Variants in DNAH2 observed in about 807,000 individuals in gnomAD.
DNAH2 encodes the protein dynein axonemal heavy chain 2, also known as axonemal beta dynein heavy chain 2.
In DNAH2, 323 loss-of-function variants were observed where a neutral mutation model predicts 523.5. The observed-to-expected ratio is 0.62, with a 90% CI of 0.56 to 0.68. DNAH2 has a LOEUF of 0.68. Among genes scored for constraint, DNAH2 ranks in the 30% least tolerant of loss-of-function variants. DNAH2 has a pLI of 0.00. For synonymous variants in DNAH2, 2,093 were observed against 2,177.4 expected, an observed-to-expected ratio of 0.96 and a Z score of 1.08; for missense variants, 4,907 against 5,701.5, an observed-to-expected ratio of 0.86 and a Z score of 4.49.
intron 58 of DNAH2, 139 bp from the exon 59 acceptor site, chr17:7,804,117 C>T (rs185382146): frequency 3.0e-5 from 25 of 824,760 alleles, no homozygotes; most frequent in Middle Eastern, 3.6e-4. Flanking sequence ...GATAGAATCC[C>T]GACCAGGATG....
chr17:7,785,752 G>C (rs768411506), intron 39 of DNAH2, among the ~76,000 whole-genome samples: 3 of 152,224 alleles, frequency 2.0e-5, no homozygotes, highest in Admixed American at 6.5e-5. Flanking sequence ...GTTCCAAGCC[G>C]TATCTGTGGC....
At chr17:7,819,542 CT>C in intron 72 of DNAH2, 134 bp downstream of exon 72, 1 of 857,950 alleles carries the variant, frequency 1.2e-6, no homozygotes, top group Non-Finnish European at 1.9e-6. Flanking sequence ...CTCCTGGTAG[CT>C]CCTCACTCTC....
rs778952974 is a variant in DNAH2, at chr17:7,760,889, C to T, written c.2935C>T (p.Arg979Cys). The change falls in exon 18 of 86, where the codon CGC becomes TGC. Residue 979 changes from arginine (R) to cysteine (C), a missense_variant. Around this residue, in one of 3 missense-constraint regions of DNAH2, gnomAD observed 2,806 missense variants for 3,190.8 expected, o/e 0.88. Transcript: ENST00000572933. This position sits in a 1 kb window ranked among gnomAD's most constrained non-coding sequence, Gnocchi z 4.0. ...NKDSFIHRYQ[R>C]LNPPVSSFVA... The stretch of plus-strand genomic sequence containing the variant: ...GGACTCCTTCATTCATCGCTACCAG[C>T]GCCTCAACCCTCCTGTCTCTTCTTT... 2.7e-5 allele frequency: 43 copies of T among 1,614,054 alleles called. No homozygotes were observed. Among genetic ancestry groups the T allele is most frequent in the Middle Eastern group, 3.3e-4 (2 of 6,084 alleles).
Position 7,759,799 on chromosome 17 carries a change from C to T in DNAH2, c.2646C>T (p.Phe882=). The change falls in exon 17 of 86, where the codon TTC becomes TTT. Residue 882 remains phenylalanine (F), a synonymous_variant. Transcript: ENST00000572933. Reference sequence around the variant, plus strand: ...CACTGGGTTCCTCACAGGTGGAATTCTCACCCACTCTGCAGACTTTGGCAG... The same window carrying T: ...CACTGGGTTCCTCACAGGTGGAATTTTCACCCACTCTGCAGACTTTGGCAG... The part of the protein sequence containing the change: ...DLQGSVAQVE[F]SPTLQTLAGV... 6.2e-7 allele frequency: 1 copy of T among 1,614,160 alleles called. No individual in the cohort carries two copies.
At chr17:7,741,226 T>TTTC (rs2075305177) in intron 11 of DNAH2, among the ~76,000 whole-genome samples, 2 of 142,148 alleles carry the variant, frequency 1.4e-5, no homozygotes, top group African/African-American at 2.6e-5. Flanking sequence ...CCTTTCTTTT[T>TTTC]TTTCTCTCTC....
At chr17:7,768,085 G>A (rs200910734) in intron 23 of DNAH2, 24 bp downstream of exon 23, 43 of 1,614,056 alleles carry the variant, frequency 2.7e-5, no homozygotes, top group East Asian at 1.8e-4. Context: ...GCGGGGAGGC[G>A]GAAGAGAAGC....
Position 7,801,682 on chromosome 17 carries a change from T to C in DNAH2, c.8804T>C (p.Ile2935Thr), listed in dbSNP as rs778522942. The C allele has an allele frequency of 2.5e-6, 4 of 1,614,026 alleles. No individual in the cohort carries two copies. Among genetic ancestry groups the C allele is most frequent in the Non-Finnish European group, 2.5e-6 (3 of 1,180,032 alleles). ...CTCGAGGTGGCTGAGAAGTGCCTCA[T>C]AGGAGTAGACCTGGGAACTCAGGAG... Reference protein sequence around the residue: ...ALLEVAEKCLIGVDLGTQENI... With the variant: ...ALLEVAEKCLTGVDLGTQENI... Residue 2935 changes from isoleucine to threonine, a missense_variant, in exon 57 of 86, where the codon ATA (isoleucine) becomes ACA (threonine). Ile to Thr is a moderately conservative substitution (Grantham distance 89, BLOSUM62 -1). Coordinates refer to ENST00000572933, the MANE Select transcript of DNAH2 (RefSeq NM_020877.5).
rs1045012136 is a variant in DNAH2, at chr17:7,828,483, G to C, written c.11854-1817G>C. 5.9e-5 allele frequency among the ~76,000 whole-genome samples: 9 copies of C among 152,208 alleles called. No homozygotes were observed. The highest frequency in any genetic ancestry group is 5.2e-4 in the Admixed American group (8 of 15,310). ...TCTTTTTTTAGACAGAGAGGGTCTT[G>C]CTCTATAGCCCAGGTGGAGTGCAGT... On this transcript the variant is annotated intron_variant, in intron 77 of 85. Transcript: ENST00000572933. This position sits in a 1 kb window ranked among gnomAD's most constrained non-coding sequence, Gnocchi z 4.1.
chr17:7,785,932 G>A (rs1342985498), intron 39 of DNAH2, among the ~76,000 whole-genome samples, 192 bp from the exon 40 acceptor site: 4 of 152,110 alleles, frequency 2.6e-5, no homozygotes, highest in Non-Finnish European at 4.4e-5. Flanking sequence ...CCAGGCTGGC[G>A]GACTCCAGAG....
rs767788250 is a variant in DNAH2 at position 7,797,211 on chromosome 17, C to A, written c.7899C>A (p.Phe2633Leu). 1.2e-6 allele frequency: 2 copies of A among 1,613,858 alleles called. No individual in the cohort carries two copies. The highest frequency in any genetic ancestry group is 4.5e-5 in the East Asian group (2 of 44,862). Residue 2633 changes from phenylalanine to leucine, a missense_variant, in exon 51 of 86, where the codon TTC becomes TTA. By Grantham distance (22) the Phe-to-Leu change is conservative. Coordinates refer to ENST00000572933, the MANE Select transcript of DNAH2 (RefSeq NM_020877.5). ...GCATGCTTAGAGCCAACAAGGACTT[C>A]CATGATACCAAGTCCAGCATCACAC... ...FQGMLRANKD[F>L]HDTKSSITRL...
At position 7,807,995 on chromosome 17, in the gene DNAH2, T is replaced by G. The variant is rs2151304993; in HGVS notation, c.9729+409T>G. ...CAACGTGAGGGTGTCTGTGCATATGTTGTGTGGGGACGGGCTCTCCCAGAG... is the reference window on the plus strand; with the variant it reads ...CAACGTGAGGGTGTCTGTGCATATGGTGTGTGGGGACGGGCTCTCCCAGAG... On this transcript the variant is annotated intron_variant, in intron 63 of 85. Transcript: ENST00000572933. This position sits in a 1 kb window ranked among gnomAD's most constrained non-coding sequence, Gnocchi z 5.6. Among the ~76,000 whole-genome samples the G allele has an allele frequency of 6.6e-6, 1 of 152,220 alleles. No homozygotes were observed. The highest frequency in any genetic ancestry group is 1.5e-5 in the Non-Finnish European group (1 of 68,012).
rs748351372 is a variant in DNAH2 at position 7,824,139 on chromosome 17, C to A, written c.11497C>A (p.Pro3833Thr). The change falls in exon 76 of 86, where the codon CCA (proline) becomes ACA (threonine). Residue 3833 changes from proline (P) to threonine (T), a missense_variant. By Grantham distance (38) the Pro-to-Thr change is conservative (BLOSUM62 -1). Transcript: ENST00000572933. ...CTGGCAGGTGCTGGAGGATTCAACC[C>A]CACGATCCCCACTCGTGTTCATCCT... ...NMKSVLEDST[P>T]RSPLVFILSP... The A allele has an allele frequency of 6.4e-7, 1 of 1,562,886 alleles. No individual in the cohort carries two copies. The highest frequency in any genetic ancestry group is 8.6e-7 in the Non-Finnish European group (1 of 1,157,284).
At chr17:7,802,725 G>T (rs753356177) in intron 58 of DNAH2, among the ~76,000 whole-genome samples, 1 of 151,862 alleles carries the variant, frequency 6.6e-6, no homozygotes, top group East Asian at 1.9e-4. Context: ...GTGCAGTGGC[G>T]CAGTCTTGGC....
chr17:7,723,006 G>A (rs1161891435), intron 2 of DNAH2, among the ~76,000 whole-genome samples: 1 of 108,986 alleles, frequency 9.2e-6, no homozygotes, highest in African/African-American at 3.7e-5. Context: ...TCTTCGCTCT[G>A]TTGCCCAGGC....
chr17:7,803,544 C>G (rs978737315), intron 58 of DNAH2, among the ~76,000 whole-genome samples: 4 of 151,848 alleles, frequency 2.6e-5, no homozygotes, highest in Non-Finnish European at 5.9e-5. Context: ...ATGGCGGGTG[C>G]CTGTAATGCC....
At chr17:7,730,255 G>A (rs941646533) in intron 4 of DNAH2, among the ~76,000 whole-genome samples, 3 of 152,098 alleles carry the variant, frequency 2.0e-5, no homozygotes, top group African/African-American at 7.2e-5. Flanking sequence ...GAAATAGCAA[G>A]GAACTGAATA....
intron 1 of DNAH2, 42 bp from the exon 2 acceptor site, chr17:7,719,679 G>T: frequency 6.2e-7 from 1 of 1,611,804 alleles, no homozygotes; most frequent in Non-Finnish European, 8.5e-7. Context: ...TGGTTCAGGG[G>T]TGGTATCTGC....
intron 7 of DNAH2, among the ~76,000 whole-genome samples, chr17:7,736,000 G>A (rs759138913): frequency 6.6e-6 from 1 of 151,752 alleles, no homozygotes; most frequent in African/African-American, 2.4e-5. Context: ...TGATCCACCC[G>A]CCTCGGCCTC....
intron 49 of DNAH2, among the ~76,000 whole-genome samples, chr17:7,795,670 T>TTTA (rs1555563815): frequency 6.9e-6 from 1 of 145,294 alleles, no homozygotes; most frequent in East Asian, 2.0e-4. Flanking sequence ...TATATAATAT[T>TTTA]TATATATATA....
Sources: gnomAD v4.1 joint callset for allele counts (sites outside exome capture counted in the v4.1 genomes callset) on GRCh38, gnomAD v4.1.1 for gene constraint, gnomAD v4.1.1 regional missense constraint, Gnocchi (gnomAD v3.1) non-coding constraint, MANE v1.5 for transcripts, NCBI Gene and HGNC (gene_info 2026-07-23, HGNC 2026-07-21) for gene names.